Variants in ABCA13 observed in about 807,000 individuals in gnomAD.
ABCA13 encodes ATP-binding cassette sub-family A member 13.
A neutral mutation model predicts 478.7 loss-of-function variants in ABCA13; 476 were observed. The observed-to-expected ratio is 0.99, with a 90% CI of 0.92 to 1.07. The LOEUF is 1.07. Among genes scored for constraint, ABCA13 ranks in the 50% least tolerant of loss-of-function variants. The pLI, the probability that ABCA13 is intolerant of heterozygous loss-of-function variation, is 0.00. For missense variants in ABCA13, 6,060 were observed against 5,910.6 expected, an observed-to-expected ratio of 1.03 and a Z score of -0.83; for synonymous variants, 2,252 against 2,158.9, an observed-to-expected ratio of 1.04 and a Z score of -1.20.
At chr7:48,627,443 A>T (rs1007819904) in intron 59 of ABCA13, among the ~76,000 whole-genome samples, 8 of 152,162 alleles carry the variant, frequency 5.3e-5, no homozygotes, top group Non-Finnish European at 1.0e-4. Context: ...TTTTAAAAAG[A>T]TGCACAGACT....
At chr7:48,360,189 C>G (rs1810599301) in intron 31 of ABCA13, among the ~76,000 whole-genome samples, 1 of 139,698 alleles carries the variant, frequency 7.2e-6, no homozygotes, top group African/African-American at 2.6e-5. Flanking sequence ...ATCCCTCCCC[C>G]CTCCCCCACC....
chr7:48,272,088 G>A lies in ABCA13; in HGVS notation c.2422G>A (p.Gly808Arg), dbSNP rs761223867. 3.5e-5 allele frequency: 56 copies of A among 1,613,416 alleles called. No individual in the cohort carries two copies. Among genetic ancestry groups the A allele is most frequent in the African/African-American group, 6.7e-5 (5 of 74,842 alleles). ...AGTGATTTGGAAAATGCAGACTCTCGGAAGTCACTGGATAAGGAAGGAACC... is the reference window on the plus strand; with the variant it reads ...AGTGATTTGGAAAATGCAGACTCTCAGAAGTCACTGGATAAGGAAGGAACC... ...NEVIWKMQTL[G>R]SHWIRKEPKN... Residue 808 changes from glycine (G) to arginine (R), a missense_variant, in exon 17 of 62, where the codon GGA (glycine) becomes AGA (arginine). By Grantham distance (125) the Gly-to-Arg change is moderately radical (BLOSUM62 -2). This residue lies in a region of ABCA13 where 4,423 missense variants were observed against 4,309.1 expected (regional missense o/e 1.03). Transcript: ENST00000435803.
rs760056797 is a variant in ABCA13, at chr7:48,528,325, T to TA, written c.14335dup (p.Ile4779AsnfsTer46). ...AAGTTTCTCTAACTTCAGGACATGC[T>TA]ATCATCAGGACTCCCATGGGGTAAG... is the stretch of plus-strand genomic sequence containing the variant. On this transcript the variant is annotated frameshift_variant, in exon 55 of 62. Coordinates refer to ENST00000435803, the MANE Select transcript of ABCA13 (RefSeq NM_152701.5). LOFTEE classifies it high-confidence loss of function. The TA allele has an allele frequency of 1.7e-5, 26 of 1,566,084 alleles. No homozygotes were observed. In the East Asian group the frequency reaches 6.1e-4, roughly 37 times the overall value.
chr7:48,511,419 C>T (rs1831673363), intron 51 of ABCA13, among the ~76,000 whole-genome samples: 1 of 152,150 alleles, frequency 6.6e-6, no homozygotes, highest in Non-Finnish European at 1.5e-5. Context: ...ACAGCACTGC[C>T]CTGTCTCAGA....
chr7:48,597,013 A>G (rs991426283), intron 58 of ABCA13, among the ~76,000 whole-genome samples: 5 of 150,428 alleles, frequency 3.3e-5, no homozygotes, highest in Non-Finnish European at 5.9e-5. Context: ...GTGCAGTGGC[A>G]CGATCTTGGC....
intron 59 of ABCA13, among the ~76,000 whole-genome samples, chr7:48,616,500 C>G (rs1346162138): frequency 6.6e-6 from 1 of 152,120 alleles, no homozygotes; most frequent in Non-Finnish European, 1.5e-5. Context: ...TTTATGTTTA[C>G]AAAAGTTTCC....
intron 32 of ABCA13, 59 bp from the exon 33 acceptor site, chr7:48,372,109 T>C: frequency 1.4e-5 from 21 of 1,468,452 alleles, no homozygotes; most frequent in Non-Finnish European, 1.8e-5. Flanking sequence ...TACCATCTGA[T>C]TTGTTCTTCC....
At chr7:48,587,786 A>G (rs1308686955) in intron 57 of ABCA13, among the ~76,000 whole-genome samples, 1 of 152,224 alleles carries the variant, frequency 6.6e-6, no homozygotes, top group African/African-American at 2.4e-5. Flanking sequence ...AGGGTGGTCT[A>G]TAATCAATCT....
rs1816916583 is a variant in ABCA13, at chr7:48,396,960, A to G, written c.11873+4821A>G. The stretch of plus-strand genomic sequence containing the variant: ...CAGTATTATGAACATTCTTTTGGAG[A>G]TACGAAACAAAACAAGATCACAAAC... On this transcript the variant is annotated intron_variant, in intron 38 of 61. Transcript: ENST00000435803. Among the ~76,000 whole-genome samples, 3 of 152,206 alleles carry G rather than the reference A, an allele frequency of 2.0e-5. No homozygotes were observed. The South Asian group carries it at 6.2e-4, about 32-fold the overall frequency.
At chr7:48,335,336 C>A in intron 27 of ABCA13, 86 bp from the exon 28 acceptor site, 1 of 903,444 alleles carries the variant, frequency 1.1e-6, no homozygotes, top group South Asian at 2.3e-5. Context: ...GCTCTGGTGG[C>A]CACATCATAT....
Position 48,275,417 on chromosome 7 carries a change from G to A in ABCA13, c.5751G>A (p.Val1917=), listed in dbSNP as rs1176467098. The A allele has an allele frequency of 1.2e-6, 2 of 1,613,874 alleles. No individual in the cohort carries two copies. The highest frequency in any genetic ancestry group is 1.7e-6 in the Non-Finnish European group (2 of 1,179,864). ...TTAACATTTCTCTTGTGAAAACTGTGCAGAAATTTTGGCATAAGATATTAC... is the reference window on the plus strand; with the variant it reads ...TTAACATTTCTCTTGTGAAAACTGTACAGAAATTTTGGCATAAGATATTAC... The part of the protein sequence containing the change: ...FHVNISLVKT[V]QKFWHKILPF... The change falls in exon 17 of 62, where the codon GTG becomes GTA. Residue 1917 remains valine, a synonymous_variant. Transcript: ENST00000435803.
rs118084604 is a variant in ABCA13 at position 48,447,020 on chromosome 7, A to G, written c.12566-8017A>G. ...GTGAAAAGAGAAGAAAGTGTGTGTA[A>G]TTCTTGCAGCCATGCAGATCAGAGC... On this transcript the variant is annotated intron_variant, in intron 42 of 61. Coordinates refer to ENST00000435803, the MANE Select transcript of ABCA13 (RefSeq NM_152701.5). Among the ~76,000 whole-genome samples the G allele has an allele frequency of 4.6e-3, 706 of 152,358 alleles. 1 individual carries two copies. The highest frequency in any genetic ancestry group is 8.5e-3 in the Non-Finnish European group (576 of 68,038).
In ABCA13 at chr7:48,481,169, C is replaced by G; in HGVS notation, c.13094+15C>G. ...GAAAAACCAAGGTGTGTTCAATACT[C>G]TTGTTGGGTCTTTACTTGTTTGGAT... is the stretch of plus-strand genomic sequence containing the variant. On this transcript the variant is annotated intron_variant, in intron 46 of 61. Coordinates refer to ENST00000435803, the MANE Select transcript of ABCA13 (RefSeq NM_152701.5). The G allele has an allele frequency of 6.6e-7, 1 of 1,515,128 alleles. No individual in the cohort carries two copies. The highest frequency in any genetic ancestry group is 9.0e-7 in the Non-Finnish European group (1 of 1,109,198). The allele number at this position is 1,515,128 out of a possible 1,614,324, so 93.9% of individuals were successfully genotyped here. A position where few individuals can be genotyped will look rare whatever the true frequency, so the allele number is the denominator to read the frequency against.
chr7:48,428,070 G>T (rs1821678951), intron 42 of ABCA13, among the ~76,000 whole-genome samples, 199 bp downstream of exon 42: 1 of 151,296 alleles, frequency 6.6e-6, no homozygotes, highest in South Asian at 2.1e-4. Context: ...AAAAAAAACT[G>T]TGTGTTTATG....
At chr7:48,207,441 C>T (rs1785068972) in intron 3 of ABCA13, among the ~76,000 whole-genome samples, 1 of 151,982 alleles carries the variant, frequency 6.6e-6, no homozygotes, top group East Asian at 1.9e-4. Flanking sequence ...TTCCTTTTTC[C>T]CAACCCCTCA....
At chr7:48,564,648 T>C (rs1310080356) in intron 55 of ABCA13, among the ~76,000 whole-genome samples, 2 of 152,000 alleles carry the variant, frequency 1.3e-5, no homozygotes, top group African/African-American at 4.8e-5. Flanking sequence ...AGTAAAGTTT[T>C]GGTATTTCTT....
chr7:48,611,131 A>C (rs913040236), intron 58 of ABCA13, among the ~76,000 whole-genome samples: 1 of 152,174 alleles, frequency 6.6e-6, no homozygotes, highest in African/African-American at 2.4e-5. Context: ...TTAAATAAAA[A>C]TTTTAATTTC....
chr7:48,408,691 AT>A (rs1309173199), intron 39 of ABCA13, among the ~76,000 whole-genome samples: 5 of 151,364 alleles, frequency 3.3e-5, no homozygotes, highest in Non-Finnish European at 5.9e-5. Context: ...TATTGTTTTG[AT>A]TTTTTTACTT....
intron 55 of ABCA13, among the ~76,000 whole-genome samples, chr7:48,561,442 G>T (rs1293131422): frequency 3.3e-5 from 5 of 152,118 alleles, no homozygotes; most frequent in Non-Finnish European, 7.4e-5. Flanking sequence ...TTTAACAAAT[G>T]TAAAGCGATA....
Sources: gnomAD v4.1 joint callset for allele counts (sites outside exome capture counted in the v4.1 genomes callset) on GRCh38, gnomAD v4.1.1 for gene constraint, gnomAD v4.1.1 regional missense constraint, MANE v1.5 for transcripts, NCBI Gene and HGNC (gene_info 2026-07-23, HGNC 2026-07-21) for gene names.